IQSEC3: variants seen among roughly 807,000 people sequenced by gnomAD.
IQSEC3 encodes the protein IQ motif and SEC7 domain-containing protein 3.
Under a neutral mutation model 105.4 loss-of-function variants are expected in IQSEC3, and 50 were observed. That is an observed-to-expected ratio of 0.47 (90% confidence interval 0.38 to 0.60). IQSEC3 has a LOEUF of 0.60. IQSEC3 is among the 20% of genes least tolerant of loss of function. The pLI is 0.00. For missense variants in IQSEC3, 1,415 were observed against 1,630.0 expected, an observed-to-expected ratio of 0.87 and a Z score of 2.27; for synonymous variants, 708 against 746.0, an observed-to-expected ratio of 0.95 and a Z score of 0.83.
chr12:167,253 C>T (rs1938702621), intron 11 of IQSEC3: 1 of 152,218 alleles, frequency 6.6e-6, no homozygotes, highest in African/African-American at 2.4e-5. Context: ...GGCTTCACGT[C>T]TCTCATTGTC....
chr12:86,358 C>A (rs1355923665), intron 1 of IQSEC3, among the ~76,000 whole-genome samples: 5 of 152,098 alleles, frequency 3.3e-5, no homozygotes, highest in Admixed American at 6.5e-5. Flanking sequence ...TCACCTTTAG[C>A]CTATTTCCTA....
At chr12:121,719 A>G (rs891359833) in intron 2 of IQSEC3, among the ~76,000 whole-genome samples, 25 of 152,214 alleles carry the variant, frequency 1.6e-4, no homozygotes, top group African/African-American at 4.8e-4. Flanking sequence ...CCCCCCCGCT[A>G]CAGAATTCTT....
At chr12:85,835 A>G (rs1017568475) in intron 1 of IQSEC3, among the ~76,000 whole-genome samples, 2 of 152,174 alleles carry the variant, frequency 1.3e-5, no homozygotes, top group African/African-American at 4.8e-5. Context: ...GTGTGTTGAT[A>G]CTGATGAGTA....
intron 3 of IQSEC3, among the ~76,000 whole-genome samples, chr12:137,205 G>A (rs1359992572): frequency 6.6e-6 from 1 of 152,162 alleles, no homozygotes; most frequent in Non-Finnish European, 1.5e-5. Flanking sequence ...ACTATGTACT[G>A]GGAACACACA....
chr12:81,522 G>A (rs1268063425), intron 1 of IQSEC3, among the ~76,000 whole-genome samples: 2 of 152,192 alleles, frequency 1.3e-5, no homozygotes, highest in African/African-American at 2.4e-5. Flanking sequence ...TGAGGGATCA[G>A]TGTGGGATGT....
chr12:97,813 A>G (rs1247219802), intron 1 of IQSEC3, among the ~76,000 whole-genome samples: 1 of 152,160 alleles, frequency 6.6e-6, no homozygotes, highest in Non-Finnish European at 1.5e-5. Context: ...TAACAAACAA[A>G]AGTTAAGATA....
At chr12:137,011 T>C (rs1264496602) in intron 3 of IQSEC3, among the ~76,000 whole-genome samples, 2 of 152,142 alleles carry the variant, frequency 1.3e-5, no homozygotes, top group Non-Finnish European at 2.9e-5. Flanking sequence ...GGATCAGATC[T>C]GCCCAGGTGA....
chr12:125,522 T>C (rs1360494385), intron 2 of IQSEC3, 111 bp from the exon 3 acceptor site: 9 of 1,145,118 alleles, frequency 7.9e-6, no homozygotes, highest in Non-Finnish European at 8.1e-6. Context: ...CCTCCAGTCC[T>C]TGCCACAGGA....
chr12:84,680 T>C (rs1414463145), intron 1 of IQSEC3, among the ~76,000 whole-genome samples: 4 of 152,152 alleles, frequency 2.6e-5, no homozygotes, highest in Non-Finnish European at 5.9e-5. Context: ...CAGGTGTGTA[T>C]GAGTATGTTG....
intron 3 of IQSEC3, among the ~76,000 whole-genome samples, chr12:137,960 G>A (rs907567736): frequency 6.6e-6 from 1 of 151,928 alleles, no homozygotes; most frequent in Non-Finnish European, 1.5e-5. Context: ...TAATGCGCCC[G>A]GCCATGAACA....
At chr12:163,164 C>CGGACCCCTCCCCTCTCCTCCCTCCACA (rs1196602547) in intron 8 of IQSEC3, among the ~76,000 whole-genome samples, 1 of 123,900 alleles carries the variant, frequency 8.1e-6, no homozygotes, top group Non-Finnish European at 1.7e-5. Context: ...TCCACAAAAC[C>CGGACCCCTCCCCTCTCCTCCCTCCACA]GAACCCCTCC....
intron 1 of IQSEC3, among the ~76,000 whole-genome samples, chr12:91,146 C>T (rs1348682198): frequency 1.3e-5 from 2 of 152,162 alleles, no homozygotes; most frequent in African/African-American, 2.4e-5. Context: ...GAGTTGCCCC[C>T]TGGGACTTCC....
At chr12:103,185 C>A (rs1162029003) in intron 2 of IQSEC3, among the ~76,000 whole-genome samples, 5 of 151,786 alleles carry the variant, frequency 3.3e-5, no homozygotes, top group African/African-American at 2.4e-5. Context: ...CCTCCCTTCC[C>A]TTTCAGGCTC....
chr12:159,192 C>T (rs1866802151), intron 7 of IQSEC3, among the ~76,000 whole-genome samples: 1 of 152,202 alleles, frequency 6.6e-6, no homozygotes, highest in South Asian at 2.1e-4. Context: ...GCTTAACTCT[C>T]TGAGGACCTC....
chr12:162,806 C>T (rs1555096660), intron 8 of IQSEC3, among the ~76,000 whole-genome samples: 1 of 152,186 alleles, frequency 6.6e-6, no homozygotes, highest in African/African-American at 2.4e-5. Context: ...GATCCCTTCG[C>T]TCTCGCACAC....
chr12:165,543 T>G lies in IQSEC3; in HGVS notation c.2809+10T>G, dbSNP rs782738733. Reference sequence around the variant, plus strand: ...CTCTTTGAGAACGAGTGTAAGTCTTTGACAGCCAGTGTAAGTCTTTGAGAA... The same window carrying G: ...CTCTTTGAGAACGAGTGTAAGTCTTGGACAGCCAGTGTAAGTCTTTGAGAA... On this transcript the variant is annotated intron_variant, in intron 10 of 13. Transcript: ENST00000538872. 7 of 1,610,334 alleles carry G rather than the reference T, an allele frequency of 4.3e-6. No homozygotes were observed. The highest frequency in any genetic ancestry group is 5.9e-6 in the Non-Finnish European group (7 of 1,176,682).
intron 3 of IQSEC3, among the ~76,000 whole-genome samples, chr12:134,191 T>G (rs1186411866): frequency 6.6e-6 from 1 of 152,186 alleles, no homozygotes; most frequent in African/African-American, 2.4e-5. Context: ...GGAATTAATT[T>G]GTCGAATACA....
Position 165,874 on chromosome 12 carries a change from G to A in IQSEC3, c.2955G>A (p.Glu985=), listed in dbSNP as rs1555098278. The A allele has an allele frequency of 1.2e-6, 2 of 1,613,928 alleles. No individual in the cohort carries two copies. Among genetic ancestry groups the A allele is most frequent in the African/African-American group, 1.3e-5 (1 of 74,948 alleles). ...KESIAEVTEL[E]QIRIEWELEK... is the part of the protein sequence containing the mutation. ...CCATTGCTGAGGTGACGGAGCTGGA[G>A]CAGATCCGAATAGAGTGTAAGGACA... The change falls in exon 11 of 14, where the codon GAG becomes GAA. Residue 985 remains glutamate, a synonymous_variant. Transcript: ENST00000538872.
At chr12:98,141 C>T (rs967828969) in intron 1 of IQSEC3, among the ~76,000 whole-genome samples, 23 of 152,154 alleles carry the variant, frequency 1.5e-4, no homozygotes, top group African/African-American at 2.9e-4. Context: ...ATGCCTAGGA[C>T]GGCAACTGCT....
Sources: gnomAD v4.1 joint callset for allele counts (sites outside exome capture counted in the v4.1 genomes callset) on GRCh38, gnomAD v4.1.1 for gene constraint, MANE v1.5 for transcripts, NCBI Gene and HGNC (gene_info 2026-07-23, HGNC 2026-07-21) for gene names.